The following ANKS1B variants were observed in gnomAD, a reference collection of about 807,000 sequenced individuals.
ANKS1B encodes ankyrin repeat and sterile alpha motif domain containing 1B.
Under a neutral mutation model 148.3 loss-of-function variants are expected in ANKS1B, and 36 were observed. That is an observed-to-expected ratio of 0.24 (90% CI 0.19 to 0.32). The LOEUF is 0.32. Among genes scored for constraint, ANKS1B ranks in the 10% least tolerant of loss-of-function variants. The pLI is 1.00. For missense variants in ANKS1B, 1,157 were observed against 1,542.6 expected (o/e 0.75, Z 4.19); for synonymous variants, 542 against 560.8 (o/e 0.97, Z 0.47).
At chr12:98,771,193 A>G (rs1167359417) in intron 25 of ANKS1B, among the ~76,000 whole-genome samples, 3 of 152,098 alleles carry the variant, frequency 2.0e-5, no homozygotes, top group Admixed American at 6.6e-5. Context: ...TTTTTGAGTG[A>G]CGGTTTCACT....
chr12:99,511,918 T>G (rs2096770190), intron 9 of ANKS1B, among the ~76,000 whole-genome samples: 1 of 152,086 alleles, frequency 6.6e-6, no homozygotes, highest in Non-Finnish European at 1.5e-5. Context: ...TAACTAAAGA[T>G]GGATTCATGA....
chr12:98,942,924 A>C (rs2099839311), intron 17 of ANKS1B, among the ~76,000 whole-genome samples: 1 of 152,246 alleles, frequency 6.6e-6, no homozygotes, highest in Admixed American at 6.5e-5. Flanking sequence ...TACGAAGCTC[A>C]GTGTCGGAAA....
chr12:99,557,254 C>G (rs1375764526), intron 9 of ANKS1B, among the ~76,000 whole-genome samples: 2 of 152,210 alleles, frequency 1.3e-5, no homozygotes, highest in Non-Finnish European at 2.9e-5. Flanking sequence ...ATGATATCCT[C>G]AAATATATTT....
chr12:99,158,677 T>G (rs1162150335), intron 14 of ANKS1B, among the ~76,000 whole-genome samples: 1 of 149,340 alleles, frequency 6.7e-6, no homozygotes, highest in African/African-American at 2.5e-5. Context: ...AATGTAAAAA[T>G]GTTTATTCCA....
chr12:99,799,567 T>C lies in ANKS1B; in HGVS notation c.669+6837A>G, dbSNP rs1287998157. Among the ~76,000 whole-genome samples the C allele has an allele frequency of 2.0e-5, 3 of 152,264 alleles. No homozygotes were observed. The East Asian group carries it at 5.8e-4, about 29-fold the overall frequency. ...CTTCCTCCTGGAGCATAGTGCCTGG[T>C]AGCATGGCATGAGAAGTCAGGAGGG... On this transcript the variant is annotated intron_variant, in intron 4 of 26. Coordinates refer to ENST00000683438, the MANE Select transcript of ANKS1B (RefSeq NM_001352186.2).
intron 1 of ANKS1B, among the ~76,000 whole-genome samples, chr12:99,967,635 G>A (rs2095501820): frequency 6.6e-6 from 1 of 151,968 alleles, no homozygotes; most frequent in South Asian, 2.1e-4. Context: ...AGAACCTGGC[G>A]CAGTGGCTCA....
chr12:99,087,673 T>C (rs1161599973), intron 15 of ANKS1B, among the ~76,000 whole-genome samples: 1 of 152,212 alleles, frequency 6.6e-6, no homozygotes, highest in Non-Finnish European at 1.5e-5. Flanking sequence ...AAAAAATCTT[T>C]CGTCATCTTT....
intron 11 of ANKS1B, among the ~76,000 whole-genome samples, chr12:99,430,072 A>G (rs2095342383): frequency 1.0e-5 from 1 of 95,792 alleles, no homozygotes; most frequent in Non-Finnish European, 2.3e-5. Context: ...AGATCTTTAG[A>G]AAAAAAAGAT....
At chr12:99,232,530 G>A (rs1179741581) in intron 14 of ANKS1B, among the ~76,000 whole-genome samples, 8 of 152,168 alleles carry the variant, frequency 5.3e-5, no homozygotes, top group Admixed American at 1.3e-4. Context: ...AGCACGTCCC[G>A]TGGAGCCAAT....
At position 98,811,198 on chromosome 12, in the gene ANKS1B, C is replaced by A. The variant is rs373228144; in HGVS notation, c.3067-3280G>T. 2.0e-5 allele frequency among the ~76,000 whole-genome samples: 3 copies of A among 152,268 alleles called. No homozygotes were observed. In the East Asian group the frequency reaches 5.8e-4, roughly 29 times the overall value. ...AGCTCTTCTAGGATAGAGGGCAGGTCCTCCCACTGCACAGTTTCTGCTGGC... is the reference window on the plus strand; with the variant it reads ...AGCTCTTCTAGGATAGAGGGCAGGTACTCCCACTGCACAGTTTCTGCTGGC... On this transcript the variant is annotated intron_variant, in intron 19 of 26. Coordinates refer to ENST00000683438, the MANE Select transcript of ANKS1B (RefSeq NM_001352186.2).
intron 17 of ANKS1B, among the ~76,000 whole-genome samples, chr12:98,862,140 T>C (rs2099602404): frequency 6.6e-6 from 1 of 152,190 alleles, no homozygotes; most frequent in East Asian, 1.9e-4. Flanking sequence ...TCCCTCAGTG[T>C]AGTAAGATTT....
intron 12 of ANKS1B, among the ~76,000 whole-genome samples, chr12:99,346,063 T>C (rs887355978): frequency 6.6e-6 from 1 of 151,962 alleles, no homozygotes; most frequent in African/African-American, 2.4e-5. Flanking sequence ...TCCTACTAAT[T>C]TCGATGCCAC....
intron 4 of ANKS1B, among the ~76,000 whole-genome samples, chr12:99,784,325 C>T (rs767510643): frequency 3.3e-5 from 5 of 152,082 alleles, no homozygotes; most frequent in African/African-American, 7.2e-5. Flanking sequence ...GCTCCTGCCA[C>T]CACACCCAGC....
At chr12:99,922,795 C>G (rs2094391146) in intron 1 of ANKS1B, among the ~76,000 whole-genome samples, 1 of 131,874 alleles carries the variant, frequency 7.6e-6, no homozygotes. Flanking sequence ...GGATTAATGA[C>G]ATTAAGGTAG....
chr12:99,602,759 G>A (rs539430729), intron 9 of ANKS1B, among the ~76,000 whole-genome samples: 1 of 151,928 alleles, frequency 6.6e-6, no homozygotes, highest in Non-Finnish European at 1.5e-5. Context: ...CAGAAGGGTG[G>A]GAGAAAAATT....
At chr12:99,181,962 C>T (rs1371364816) in intron 14 of ANKS1B, among the ~76,000 whole-genome samples, 1 of 152,044 alleles carries the variant, frequency 6.6e-6, no homozygotes, top group African/African-American at 2.4e-5. Context: ...CTTATCCTCC[C>T]ACTACCCTTC....
At chr12:99,548,779 T>TA in intron 9 of ANKS1B, among the ~76,000 whole-genome samples, 1 of 152,240 alleles carries the variant, frequency 6.6e-6, no homozygotes, top group African/African-American at 2.4e-5. Context: ...GATGAACCAT[T>TA]AAAAAATTAT....
chr12:99,020,679 CA>C (rs1253276657), intron 17 of ANKS1B, among the ~76,000 whole-genome samples: 2 of 151,988 alleles, frequency 1.3e-5, no homozygotes, highest in East Asian at 1.9e-4. Context: ...ATTAATTGGT[CA>C]TTTTTTTGGC....
intron 9 of ANKS1B, among the ~76,000 whole-genome samples, chr12:99,511,887 C>A (rs533488338): frequency 6.6e-6 from 1 of 152,016 alleles, no homozygotes; most frequent in Non-Finnish European, 1.5e-5. Flanking sequence ...TGGACCCCTT[C>A]CCTACACCTT....
Sources: allele counts gnomAD v4.1 joint callset (sites outside exome capture counted in the v4.1 genomes callset), GRCh38; gene constraint gnomAD v4.1.1; transcripts MANE v1.5; gene names NCBI Gene and HGNC (gene_info 2026-07-23, HGNC 2026-07-21).